TPST2: variants seen among roughly 807,000 people sequenced by gnomAD.
The protein encoded by TPST2 is protein-tyrosine sulfotransferase 2.
In TPST2, 16 loss-of-function variants were observed where a neutral mutation model predicts 27.8. That is an observed-to-expected ratio of 0.58 (90% CI 0.39 to 0.88). The LOEUF (loss-of-function observed/expected upper bound fraction) is 0.88, where lower values mean the gene tolerates loss of function less well. Among genes scored for constraint, TPST2 ranks in the 40% least tolerant of loss-of-function variants. TPST2 has a pLI of 0.00. For missense variants in TPST2, 464 were observed against 543.1 expected (o/e 0.85, Z 1.45); for synonymous variants, 229 against 231.7 (o/e 0.99, Z 0.10).
At position 26,581,019 on chromosome 22, in the gene TPST2, T is replaced by TACAC. The variant is rs10540036; in HGVS notation, c.-161+9030_-161+9033dup. Among the ~76,000 whole-genome samples the TACAC allele has an allele frequency of 3.0e-3, 364 of 120,218 alleles. 1 individual carries two copies. Among genetic ancestry groups the TACAC allele is most frequent in the South Asian group, 8.3e-3 (29 of 3,500 alleles). The allele number at this position is 120,218 out of a possible 152,430, so 78.9% of individuals were successfully genotyped here. A position where few individuals can be genotyped will look rare whatever the true frequency, so the allele number is the denominator to read the frequency against. On this transcript the variant is annotated intron_variant, in intron 1 of 6. Transcript: ENST00000338754. ...CGATTCCCCCAACCCTCAACATACA[T>TACAC]ACACACACACACACACACACACACA... is the stretch of plus-strand genomic sequence containing the variant.
chr22:26,574,980 T>C (rs776189519), intron 1 of TPST2, among the ~76,000 whole-genome samples: 1 of 152,116 alleles, frequency 6.6e-6, no homozygotes, highest in Non-Finnish European at 1.5e-5. Context: ...CCCGGGACCA[T>C]CTAAGGGACT....
Position 26,541,656 on chromosome 22 carries a change from G to A in TPST2, c.-26C>T. The A allele has an allele frequency of 6.5e-7, 1 of 1,531,482 alleles. No individual in the cohort carries two copies. The highest frequency in any genetic ancestry group is 1.2e-5 in the South Asian group (1 of 83,116). 94.9% of individuals were successfully genotyped at this position (1,531,482 alleles called of 1,614,324 possible). A position where few individuals can be genotyped will look rare whatever the true frequency, so the allele number is the denominator to read the frequency against. On this transcript the variant is annotated 5_prime_UTR_variant, in exon 3 of 7. Transcript: ENST00000338754. The surrounding 1 kb of genome is among the most constrained non-coding windows in gnomAD (Gnocchi z 5.9). ...GCTGGGCCGGAGGCAGGGTAGGCCT[G>A]GCCTGAGGGCCCGCTTCTGGGGCTT...
intron 1 of TPST2, among the ~76,000 whole-genome samples, chr22:26,580,350 C>T (rs78457386): frequency 0.012 from 1,792 of 152,322 alleles, 35 homozygotes; most frequent in African/African-American, 0.041. Flanking sequence ...CGGGCACCTA[C>T]ATCCCTGCAC....
At chr22:26,565,174 T>C (rs1927320354) in intron 1 of TPST2, 1 of 152,362 alleles carries the variant, frequency 6.6e-6, no homozygotes, top group African/African-American at 2.4e-5. Flanking sequence ...TTGACACAGC[T>C]GGTAAGTAGT....
chr22:26,568,251 G>A (rs546589538), intron 1 of TPST2, among the ~76,000 whole-genome samples: 24 of 152,252 alleles, frequency 1.6e-4, no homozygotes, highest in African/African-American at 4.6e-4. Flanking sequence ...AGAACCTTAC[G>A]CAATAACAAC....
chr22:26,581,742 T>C lies in TPST2; in HGVS notation c.-161+8311A>G, dbSNP rs1329251149. Among the ~76,000 whole-genome samples, 4 of 152,210 alleles carry C rather than the reference T, an allele frequency of 2.6e-5. No homozygotes were observed. The East Asian group carries it at 5.8e-4, about 22-fold the overall frequency. On this transcript the variant is annotated intron_variant, in intron 1 of 6. Transcript: ENST00000338754. Reference sequence around the variant, plus strand: ...AGCACCCAAGTCTTAACTGCAATCATTACTATTTTTATCAGCATCTAACAC... The same window carrying C: ...AGCACCCAAGTCTTAACTGCAATCACTACTATTTTTATCAGCATCTAACAC...
At chr22:26,566,591 A>G (rs954522735) in intron 1 of TPST2, among the ~76,000 whole-genome samples, 2 of 151,860 alleles carry the variant, frequency 1.3e-5, no homozygotes, top group African/African-American at 4.8e-5. Flanking sequence ...AAAAGAAAAA[A>G]AAATACAAAA....
chr22:26,542,276 T>C (rs1299139705), intron 2 of TPST2, among the ~76,000 whole-genome samples: 1 of 144,284 alleles, frequency 6.9e-6, no homozygotes, highest in Non-Finnish European at 1.5e-5. Context: ...GTGCATTGAG[T>C]GGTGAGAGAT....
intron 1 of TPST2, among the ~76,000 whole-genome samples, chr22:26,548,914 G>C (rs1926288127): frequency 6.6e-6 from 1 of 152,138 alleles, no homozygotes; most frequent in African/African-American, 2.4e-5. Context: ...GCTAAAGTGA[G>C]CCATGATCAT....
chr22:26,547,753 T>C (rs946291596), intron 1 of TPST2: 2 of 152,192 alleles, frequency 1.3e-5, no homozygotes, highest in African/African-American at 4.8e-5. Context: ...AGATCAAGGC[T>C]GCAGTGAACT....
At chr22:26,560,391 C>T (rs1927022076) in intron 1 of TPST2, 2 of 596,014 alleles carry the variant, frequency 3.4e-6, no homozygotes, top group South Asian at 2.1e-5. Flanking sequence ...TGCAGCAGTG[C>T]CATATGACTT....
chr22:26,538,706 C>T (rs1233122784), intron 3 of TPST2, among the ~76,000 whole-genome samples: 1 of 152,186 alleles, frequency 6.6e-6, no homozygotes, highest in Non-Finnish European at 1.5e-5. Context: ...CCTGTAATCC[C>T]AGCTATTTGG....
intron 1 of TPST2, among the ~76,000 whole-genome samples, chr22:26,576,829 G>A (rs1927855880): frequency 6.6e-6 from 1 of 151,812 alleles, no homozygotes; most frequent in East Asian, 1.9e-4. Flanking sequence ...GGGCGCGGTG[G>A]CTCACACCTG....
At chr22:26,530,224 AC>A (rs1239314819) in intron 5 of TPST2, among the ~76,000 whole-genome samples, 1 of 152,138 alleles carries the variant, frequency 6.6e-6, no homozygotes, top group Non-Finnish European at 1.5e-5. Flanking sequence ...CAGGCATGCC[AC>A]TGCACCCAAC....
intron 1 of TPST2, among the ~76,000 whole-genome samples, chr22:26,577,083 G>A (rs1305277255): frequency 7.8e-5 from 11 of 140,364 alleles, no homozygotes; most frequent in Non-Finnish European, 1.5e-5. Context: ...GCGACAGAAC[G>A]AGACTCTGTT....
At chr22:26,544,858 T>C (rs535753820) in intron 1 of TPST2, among the ~76,000 whole-genome samples, 183 bp from the exon 2 acceptor site, 3 of 152,278 alleles carry the variant, frequency 2.0e-5, no homozygotes, top group East Asian at 3.9e-4. Context: ...TCTCAACTTA[T>C]CTACTCCTAC....
At chr22:26,548,705 G>T (rs1041121204) in intron 1 of TPST2, among the ~76,000 whole-genome samples, 1 of 146,486 alleles carries the variant, frequency 6.8e-6, no homozygotes, top group African/African-American at 2.5e-5. Flanking sequence ...GCTCATGCCT[G>T]TAATCCCAGC....
chr22:26,561,113 T>C (rs1569190231), intron 1 of TPST2: 2 of 1,607,868 alleles, frequency 1.2e-6, no homozygotes, highest in Non-Finnish European at 1.7e-6. Context: ...ATGAAGAGGA[T>C]GAGGAGGAGG....
intron 1 of TPST2, among the ~76,000 whole-genome samples, chr22:26,574,471 C>G (rs1052940523): frequency 5.6e-4 from 86 of 152,236 alleles, no homozygotes; most frequent in African/African-American, 2.0e-3. Context: ...TCTCTTGATG[C>G]CTGCCTCACG....
Sources: allele counts gnomAD v4.1 joint callset (sites outside exome capture counted in the v4.1 genomes callset), GRCh38; gene constraint gnomAD v4.1.1; non-coding constraint Gnocchi (gnomAD v3.1); transcripts MANE v1.5; gene names NCBI Gene and HGNC (gene_info 2026-07-23, HGNC 2026-07-21).